Variants in SCN3B observed in about 807,000 individuals in gnomAD.
SCN3B encodes the protein sodium channel regulatory subunit beta-3.
Under a neutral mutation model 25.4 loss-of-function variants are expected in SCN3B, and 11 were observed. The observed-to-expected ratio is 0.43, with a 90% confidence interval of 0.27 to 0.72. SCN3B has a LOEUF of 0.72. SCN3B is among the 30% of genes least tolerant of loss of function. The pLI, the probability that SCN3B is intolerant of heterozygous loss-of-function variation, is 0.18. For synonymous variants in SCN3B, 109 were observed against 110.7 expected (o/e 0.99, Z 0.09); for missense variants, 218 against 278.3 (o/e 0.78, Z 1.54).
At position 123,633,841 on chromosome 11, in the gene SCN3B, T is replaced by G. The variant is rs112638363; in HGVS notation, c.*23-65A>C. On this transcript the variant is annotated intron_variant, in intron 6 of 6. Transcript: ENST00000299333. ...AGTCCAGCCCAGCCCAGCCCAAAAATTCTTTGACCAAAGAAGGGAGTTGGA... is the reference window on the plus strand; with the variant it reads ...AGTCCAGCCCAGCCCAGCCCAAAAAGTCTTTGACCAAAGAAGGGAGTTGGA... 8.9e-4 allele frequency: 346 copies of G among 388,976 alleles called. 4 individuals are homozygous for G. The highest frequency in any genetic ancestry group is 6.7e-3 in the African/African-American group (325 of 48,300). The allele number at this position is 388,976 out of a possible 1,614,324, so 24.1% of individuals were successfully genotyped here.
chr11:123,646,238 T>G lies in SCN3B; in HGVS notation c.56-488A>C, dbSNP rs567621862. 5.9e-5 allele frequency among the ~76,000 whole-genome samples: 9 copies of G among 152,312 alleles called. No individual in the cohort carries two copies. The East Asian group carries it at 1.7e-3, about 29-fold the overall frequency. ...CCAATAGGGAACACATATTCCTAAC[T>G]AGGATTAAACCAGACCACAGCAAGT... On this transcript the variant is annotated intron_variant, in intron 2 of 6. Transcript: ENST00000299333.
At chr11:123,634,489 C>A (rs918982004) in intron 5 of SCN3B, among the ~76,000 whole-genome samples, 5 of 152,210 alleles carry the variant, frequency 3.3e-5, no homozygotes, top group Admixed American at 6.5e-5. Flanking sequence ...GCCTCTAATC[C>A]CAGCACTTTG....
rs1008827386 is a variant in SCN3B, at chr11:123,630,008, T to C, written c.*3791A>G. On this transcript the variant is annotated 3_prime_UTR_variant, in exon 7 of 7. Coordinates refer to ENST00000299333, the MANE Select transcript of SCN3B (RefSeq NM_001040151.2). ...TTCTGAGATGGATGGAATTTCTTTT[T>C]TGATCCAATAATTTTGGGGAGAGAG... is the stretch of plus-strand genomic sequence containing the variant. 3.9e-5 allele frequency: 6 copies of C among 152,208 alleles called. No individual in the cohort carries two copies. Among genetic ancestry groups the C allele is most frequent in the Non-Finnish European group, 7.3e-5 (5 of 68,046 alleles). The allele number at this position is 152,208 out of a possible 1,614,324, so 9.4% of individuals were successfully genotyped here.
intron 2 of SCN3B, among the ~76,000 whole-genome samples, chr11:123,652,274 G>A (rs985110744): frequency 6.6e-6 from 1 of 152,212 alleles, no homozygotes; most frequent in Non-Finnish European, 1.5e-5. Context: ...AGGCAGGTGA[G>A]ATCATTGGCA....
chr11:123,634,005 G>A, intron 6 of SCN3B, 116 bp downstream of exon 6: 1 of 780,164 alleles, frequency 1.3e-6, no homozygotes, highest in Non-Finnish European at 2.2e-6. Context: ...ACCCCAGGCA[G>A]GGTAGACAGT....
At chr11:123,640,943 T>C (rs1720344) in intron 4 of SCN3B, 76,603 of 152,130 alleles carry the variant, frequency 0.5, 20,451 homozygotes, top group Admixed American at 0.64. Flanking sequence ...AATAAACTTG[T>C]TTTTCCTTCT....
chr11:123,639,308 C>T (rs1490426819), intron 4 of SCN3B: 2 of 152,210 alleles, frequency 1.3e-5, no homozygotes, highest in Non-Finnish European at 2.9e-5. Context: ...CCTGTGAGGT[C>T]CCCTCCTTTG....
chr11:123,645,248 A>C (rs1350118234), intron 3 of SCN3B, among the ~76,000 whole-genome samples: 1 of 152,140 alleles, frequency 6.6e-6, no homozygotes, highest in South Asian at 2.1e-4. Context: ...TTTCTTTATG[A>C]ATTTAATGCA....
At position 123,645,666 on chromosome 11, in the gene SCN3B, G is replaced by A; in HGVS notation, c.140C>T (p.Ser47Phe). ...QGNPMKLRCI[S>F]CMKREEVEAT... ...CTCCACCTCCTCTCTCTTCATGCAG[G>A]AGATGCAGCGCAGCTTCATGGGGTT... The change falls in exon 3 of 7, where the codon TCC becomes TTC. Residue 47 changes from serine to phenylalanine, a missense_variant. Coordinates refer to ENST00000299333, the MANE Select transcript of SCN3B (RefSeq NM_001040151.2). The A allele has an allele frequency of 1.2e-6, 2 of 1,614,184 alleles. No individual in the cohort carries two copies. Among genetic ancestry groups the A allele is most frequent in the Non-Finnish European group, 1.7e-6 (2 of 1,180,026 alleles).
At chr11:123,639,379 T>C (rs897067505) in intron 4 of SCN3B, 1 of 151,980 alleles carries the variant, frequency 6.6e-6, no homozygotes, top group African/African-American at 2.4e-5. Context: ...CACTTTTCTT[T>C]TCTCTTTTTT....
chr11:123,638,472 GC>G lies in SCN3B; in HGVS notation c.446-149del. The G allele has an allele frequency of 2.8e-6, 3 of 1,090,344 alleles. No individual in the cohort carries two copies. In the South Asian group the frequency reaches 4.2e-5, roughly 15 times the overall value. The allele number at this position is 1,090,344 out of a possible 1,614,324, so 67.5% of individuals were successfully genotyped here. On this transcript the variant is annotated intron_variant, in intron 4 of 6. Transcript: ENST00000299333. ...AGGTATTCCAAATCCTGACTCTCCCGCCCATTGGCTTTCTCACTGACTGTCA... is the reference window on the plus strand; with the variant it reads ...AGGTATTCCAAATCCTGACTCTCCCGCCATTGGCTTTCTCACTGACTGTCA...
chr11:123,653,875 T>C, intron 1 of SCN3B, 49 bp from the exon 2 acceptor site: 1 of 1,556,526 alleles, frequency 6.4e-7, no homozygotes, highest in Non-Finnish European at 8.9e-7. Flanking sequence ...CTCAGATTCT[T>C]TCGAGGAAAC....
chr11:123,646,901 A>C (rs1038420843), intron 2 of SCN3B, among the ~76,000 whole-genome samples: 1 of 152,194 alleles, frequency 6.6e-6, no homozygotes. Context: ...CAAAGAGTGC[A>C]TGCCCAGAGG....
chr11:123,642,558 A>C lies in SCN3B; in HGVS notation c.333T>G (p.Thr111=). 6.2e-7 allele frequency: 1 copy of C among 1,614,174 alleles called. No individual in the cohort carries two copies. The highest frequency in any genetic ancestry group is 8.5e-7 in the Non-Finnish European group (1 of 1,180,034). The change falls in exon 4 of 7, where the codon ACT becomes ACG. Residue 111 remains threonine (T), a synonymous_variant. Transcript: ENST00000299333. The surrounding 1 kb of genome is among the most constrained non-coding windows in gnomAD (Gnocchi z 4.3). ...QDVSITVLNV[T]LNDSGLYTCN... ...AGGTGTAGAGGCCAGAGTCGTTCAG[A>C]GTGACGTTGAGCACAGTGATGGACA...
chr11:123,643,056 A>T (rs1955810183), intron 3 of SCN3B, among the ~76,000 whole-genome samples: 1 of 152,236 alleles, frequency 6.6e-6, no homozygotes, highest in Admixed American at 6.5e-5. Context: ...TTGTAAAAAG[A>T]TAGAGAGAAC....
intron 1 of SCN3B, 37 bp from the exon 2 acceptor site, chr11:123,653,863 C>A: frequency 6.3e-7 from 1 of 1,574,904 alleles, no homozygotes; most frequent in Non-Finnish European, 8.7e-7. Context: ...GGACTGCGCC[C>A]TCTCAGATTC....
rs898827706 is a variant in SCN3B at position 123,629,953 on chromosome 11, C to T, written c.*3846G>A. 1 of 152,106 alleles carries T rather than the reference C, an allele frequency of 6.6e-6. No individual in the cohort carries two copies. The highest frequency in any genetic ancestry group is 1.9e-4 in the East Asian group (1 of 5,196). 9.4% of individuals were successfully genotyped at this position (152,106 alleles called of 1,614,324 possible). On this transcript the variant is annotated 3_prime_UTR_variant, in exon 7 of 7. Transcript: ENST00000299333. ...AAAGATGCAGTGACACAGCCTTTTC[C>T]CTCAGATTTATGTGAGGAGGACTCA...
Position 123,644,988 on chromosome 11 carries a change from G to A in SCN3B, c.219+599C>T, listed in dbSNP as rs907092810. 3.3e-5 allele frequency among the ~76,000 whole-genome samples: 5 copies of A among 151,760 alleles called. No homozygotes were observed. The South Asian group carries it at 8.4e-4, about 25-fold the overall frequency. On this transcript the variant is annotated intron_variant, in intron 3 of 6. Transcript: ENST00000299333. ...GAAGACTCCCAGCTCTGCCAGGAGC[G>A]AATCTCTTCGTTTCCAAATCATGGA...
chr11:123,651,408 C>A (rs1003912088), intron 2 of SCN3B, among the ~76,000 whole-genome samples: 1 of 151,764 alleles, frequency 6.6e-6, no homozygotes, highest in Non-Finnish European at 1.5e-5. Context: ...CTGTTGCCCA[C>A]GCTGGAGTGC....
Sources: gnomAD v4.1 joint callset for allele counts (sites outside exome capture counted in the v4.1 genomes callset) on GRCh38, gnomAD v4.1.1 for gene constraint, Gnocchi (gnomAD v3.1) non-coding constraint, MANE v1.5 for transcripts, NCBI Gene and HGNC (gene_info 2026-07-23, HGNC 2026-07-21) for gene names.